The following ANKS1B variants were observed in gnomAD, a reference collection of about 807,000 sequenced individuals.
ANKS1B encodes ankyrin repeat and sterile alpha motif domain-containing protein 1B.
Under a neutral mutation model 148.3 loss-of-function variants are expected in ANKS1B, and 36 were observed. That is an observed-to-expected ratio of 0.24 (90% CI 0.19 to 0.32). The LOEUF (loss-of-function observed/expected upper bound fraction) is 0.32. Ranked by LOEUF, ANKS1B falls within the 10% of genes least tolerant of loss-of-function variation. The probability of loss-of-function intolerance (pLI) is 1.00; values close to 1 mark genes in which losing one functional copy is unlikely to be tolerated. For missense variants in ANKS1B, 1,157 were observed against 1,542.6 expected, an observed-to-expected ratio of 0.75 and a Z score of 4.19; for synonymous variants, 542 against 560.8, an observed-to-expected ratio of 0.97 and a Z score of 0.47.
chr12:99,061,063 T>A (rs891129483), intron 16 of ANKS1B, among the ~76,000 whole-genome samples: 1 of 152,176 alleles, frequency 6.6e-6, no homozygotes, highest in Non-Finnish European at 1.5e-5. Flanking sequence ...AAAAGACTAC[T>A]TGTTGTTCCC....
intron 12 of ANKS1B, among the ~76,000 whole-genome samples, chr12:99,329,538 T>C (rs1603022503): frequency 6.6e-6 from 1 of 152,040 alleles, no homozygotes; most frequent in East Asian, 1.9e-4. Flanking sequence ...AAAGATCATA[T>C]AGTACTTGTA....
chr12:99,593,942 G>T (rs373924719), intron 9 of ANKS1B, among the ~76,000 whole-genome samples: 7 of 151,992 alleles, frequency 4.6e-5, no homozygotes, highest in African/African-American at 1.7e-4. Context: ...ACAAGCAGCT[G>T]GTGCAGTGGG....
chr12:99,654,210 A>G (rs1208847076), intron 9 of ANKS1B, among the ~76,000 whole-genome samples: 1 of 152,188 alleles, frequency 6.6e-6, no homozygotes, highest in Non-Finnish European at 1.5e-5. Context: ...AAATTATGAT[A>G]CAGACATGTG....
At chr12:99,212,392 G>C (rs960825799) in intron 14 of ANKS1B, among the ~76,000 whole-genome samples, 1 of 150,992 alleles carries the variant, frequency 6.6e-6, no homozygotes, top group Non-Finnish European at 1.5e-5. Flanking sequence ...CAAAAGCCTA[G>C]CTAGGCATCA....
chr12:98,894,844 C>A, intron 17 of ANKS1B: 1 of 981,326 alleles, frequency 1.0e-6, no homozygotes, highest in Non-Finnish European at 1.2e-6. Context: ...CGCGCTGCGC[C>A]GAGCGCCGGG....
At chr12:98,924,310 G>C (rs557538467) in intron 17 of ANKS1B, among the ~76,000 whole-genome samples, 1 of 152,160 alleles carries the variant, frequency 6.6e-6, no homozygotes, top group South Asian at 2.1e-4. Flanking sequence ...CTAAAGGAAT[G>C]GCAATGTTTT....
At chr12:99,147,291 G>A (rs2073461417) in intron 15 of ANKS1B, among the ~76,000 whole-genome samples, 1 of 152,106 alleles carries the variant, frequency 6.6e-6, no homozygotes. Context: ...AAGGAGTTAA[G>A]AGGGAAAGGA....
At chr12:99,813,936 T>A (rs2068759133) in intron 2 of ANKS1B, among the ~76,000 whole-genome samples, 1 of 151,710 alleles carries the variant, frequency 6.6e-6, no homozygotes, top group Non-Finnish European at 1.5e-5. Flanking sequence ...CAACAGACCA[T>A]CCGCATATAT....
chr12:99,061,835 T>G (rs2042547699), intron 16 of ANKS1B, among the ~76,000 whole-genome samples: 1 of 152,180 alleles, frequency 6.6e-6, no homozygotes, highest in Admixed American at 6.5e-5. Flanking sequence ...TCTGTTATCG[T>G]TAAAGAAGCT....
intron 2 of ANKS1B, among the ~76,000 whole-genome samples, chr12:99,817,166 C>T (rs2069303416): frequency 4.9e-5 from 1 of 20,392 alleles, no homozygotes. Context: ...TCTTCTCCCC[C>T]CCCCCTTTCC....
intron 14 of ANKS1B, among the ~76,000 whole-genome samples, chr12:99,185,546 G>A (rs187856590): frequency 5.0e-4 from 76 of 152,256 alleles, no homozygotes; most frequent in African/African-American, 1.7e-3. Flanking sequence ...TGAGGTACCC[G>A]GTTTGTCTCA....
At chr12:99,316,306 G>GT (rs2084083001) in intron 12 of ANKS1B, among the ~76,000 whole-genome samples, 1 of 151,974 alleles carries the variant, frequency 6.6e-6, no homozygotes, top group South Asian at 2.1e-4. Context: ...AAGTGTTCCT[G>GT]TTTCTCCACA....
intron 9 of ANKS1B, among the ~76,000 whole-genome samples, chr12:99,542,541 T>C (rs1483521361): frequency 6.6e-6 from 1 of 152,092 alleles, no homozygotes; most frequent in Non-Finnish European, 1.5e-5. Flanking sequence ...TGGTGCTTTT[T>C]TTCACAGAAA....
intron 9 of ANKS1B, among the ~76,000 whole-genome samples, chr12:99,611,303 A>G (rs1285736283): frequency 2.0e-5 from 3 of 152,120 alleles, no homozygotes; most frequent in African/African-American, 7.2e-5. Context: ...AATGAACCCA[A>G]TCTCCCAATT....
At chr12:98,774,987 T>A (rs1483952571) in intron 24 of ANKS1B, among the ~76,000 whole-genome samples, 3 of 152,104 alleles carry the variant, frequency 2.0e-5, no homozygotes, top group Admixed American at 6.6e-5. Context: ...TTCCTTCAAG[T>A]AGAAAACCAA....
intron 15 of ANKS1B, among the ~76,000 whole-genome samples, chr12:99,140,105 T>A (rs916203626): frequency 2.0e-5 from 3 of 152,176 alleles, no homozygotes; most frequent in African/African-American, 7.2e-5. Context: ...TCATTGGTAG[T>A]TAAGGGAACA....
At chr12:99,204,708 T>A (rs1261096595) in intron 14 of ANKS1B, among the ~76,000 whole-genome samples, 3 of 152,194 alleles carry the variant, frequency 2.0e-5, no homozygotes, top group African/African-American at 7.2e-5. Context: ...GCAGAGATGC[T>A]GGAAGGGTTT....
Position 99,790,352 on chromosome 12 carries a change from T to C in ANKS1B, c.670-8255A>G, listed in dbSNP as rs974482648. Among the ~76,000 whole-genome samples the C allele has an allele frequency of 1.3e-5, 2 of 152,128 alleles. 1 individual carries two copies. The highest frequency in any genetic ancestry group is 2.9e-5 in the Non-Finnish European group (2 of 68,006). On this transcript the variant is annotated intron_variant, in intron 4 of 26. Coordinates refer to ENST00000683438, the MANE Select transcript of ANKS1B (RefSeq NM_001352186.2). ...GATTTCATCAACACCAGGCCTGTCT[T>C]GCAAGAAATGCTAAAGGGAGTTCTT...
intron 12 of ANKS1B, among the ~76,000 whole-genome samples, chr12:99,257,176 G>A (rs982092645): frequency 7.2e-5 from 11 of 152,128 alleles, no homozygotes; most frequent in Middle Eastern, 3.4e-3. Flanking sequence ...CCCGGGAGGC[G>A]GAGCTTGCAG....
Sources: gnomAD v4.1 joint callset for allele counts (sites outside exome capture counted in the v4.1 genomes callset) on GRCh38, gnomAD v4.1.1 for gene constraint, MANE v1.5 for transcripts, NCBI Gene and HGNC (gene_info 2026-07-23, HGNC 2026-07-21) for gene names.